Variants in CTNNA2 observed in about 807,000 individuals in gnomAD.
The protein encoded by CTNNA2 is catenin alpha-2.
CTNNA2 carries 42 observed loss-of-function variants against 101.0 expected under a neutral mutation model. The ratio of observed to expected loss-of-function variants is 0.42; its 90% CI spans 0.32 to 0.54. The LOEUF is 0.54. Among genes scored for constraint, CTNNA2 ranks in the 20% least tolerant of loss-of-function variants. The pLI, the probability that CTNNA2 is intolerant of heterozygous loss-of-function variation, is 0.14. For synonymous variants in CTNNA2, 450 were observed against 456.4 expected, an observed-to-expected ratio of 0.99 and a Z score of 0.18; for missense variants, 871 against 1,223.1, an observed-to-expected ratio of 0.71 and a Z score of 4.29.
intron 3 of CTNNA2, among the ~76,000 whole-genome samples, chr2:79,750,433 G>A (rs1261232023): frequency 6.6e-6 from 1 of 152,158 alleles, no homozygotes; most frequent in Non-Finnish European, 1.5e-5. Flanking sequence ...AGAAGAAGTG[G>A]ACTAATCCCT....
At chr2:79,787,783 T>C (rs534279354) in intron 3 of CTNNA2, among the ~76,000 whole-genome samples, 1 of 152,104 alleles carries the variant, frequency 6.6e-6, no homozygotes, top group East Asian at 1.9e-4. Context: ...TATCTATTGA[T>C]CCTCTTACCT....
At chr2:80,528,741 TC>T (rs1312891586) in intron 9 of CTNNA2, among the ~76,000 whole-genome samples, 3 of 152,228 alleles carry the variant, frequency 2.0e-5, no homozygotes, top group Non-Finnish European at 4.4e-5. Context: ...AGGGCTTTTT[TC>T]TTCAAAGTAG....
At chr2:80,262,424 G>A (rs78410123) in intron 7 of CTNNA2, among the ~76,000 whole-genome samples, 1 of 152,104 alleles carries the variant, frequency 6.6e-6, no homozygotes, top group Non-Finnish European at 1.5e-5. Flanking sequence ...AAACAAATTG[G>A]TGTATATATA....
chr2:80,164,564 G>C (rs948150435), intron 7 of CTNNA2, among the ~76,000 whole-genome samples: 2 of 152,012 alleles, frequency 1.3e-5, no homozygotes, highest in Non-Finnish European at 2.9e-5. Flanking sequence ...ATACTCAGGA[G>C]AGAAGGTAGG....
intron 7 of CTNNA2, among the ~76,000 whole-genome samples, chr2:79,964,584 C>T (rs1242570800): frequency 6.6e-6 from 1 of 152,080 alleles, no homozygotes; most frequent in Non-Finnish European, 1.5e-5. Context: ...AAAAGATGTG[C>T]CTTATTCCGT....
chr2:79,508,006 T>C (rs959016207), intron 5 of CTNNA2, among the ~76,000 whole-genome samples: 4 of 152,208 alleles, frequency 2.6e-5, no homozygotes, highest in African/African-American at 7.2e-5. Context: ...TTGTGCAGTA[T>C]ACTTACTTTC....
intron 2 of CTNNA2, among the ~76,000 whole-genome samples, chr2:79,706,329 C>T (rs1294432368): frequency 7.1e-6 from 1 of 140,374 alleles, no homozygotes; most frequent in African/African-American, 2.7e-5. Context: ...CGCCACTGCA[C>T]TCCGCCCTGG....
At chr2:80,432,065 C>T (rs1681581009) in intron 9 of CTNNA2, among the ~76,000 whole-genome samples, 1 of 152,050 alleles carries the variant, frequency 6.6e-6, no homozygotes, top group African/African-American at 2.4e-5. Context: ...ATTACTTCAA[C>T]ATGAAATTAA....
At chr2:79,901,897 C>A (rs1685090627) in intron 6 of CTNNA2, among the ~76,000 whole-genome samples, 1 of 152,176 alleles carries the variant, frequency 6.6e-6, no homozygotes, top group Non-Finnish European at 1.5e-5. Flanking sequence ...TCAATTACAG[C>A]TGAGTACAAT....
At chr2:79,652,350 A>C (rs1041958066) in intron 2 of CTNNA2, among the ~76,000 whole-genome samples, 6 of 151,908 alleles carry the variant, frequency 3.9e-5, no homozygotes, top group African/African-American at 1.5e-4. Flanking sequence ...TTATTATTCT[A>C]GAGGTCAAAT....
chr2:79,349,904 T>C (rs746088107), intron 3 of CTNNA2, among the ~76,000 whole-genome samples: 13 of 151,794 alleles, frequency 8.6e-5, no homozygotes, highest in Non-Finnish European at 1.8e-4. Context: ...TGAAACCCTG[T>C]CTCTACTAAA....
At chr2:79,718,824 G>GT (rs759268135) in intron 2 of CTNNA2, among the ~76,000 whole-genome samples, 9,558 of 140,134 alleles carry the variant, frequency 0.068, 441 homozygotes, top group South Asian at 0.15. Context: ...TTTCCCACTT[G>GT]TTTTTTTTTT....
intron 9 of CTNNA2, among the ~76,000 whole-genome samples, chr2:80,425,889 T>C (rs976852315): frequency 2.0e-5 from 3 of 152,184 alleles, no homozygotes; most frequent in South Asian, 2.1e-4. Context: ...AAAAATAATA[T>C]GGGTTCTCAT....
At chr2:79,811,573 G>T (rs980994160) in intron 3 of CTNNA2, among the ~76,000 whole-genome samples, 18 of 152,120 alleles carry the variant, frequency 1.2e-4, no homozygotes, top group Admixed American at 6.5e-4. Flanking sequence ...GTGTTCTGTT[G>T]CATCAATTTA....
intron 6 of CTNNA2, among the ~76,000 whole-genome samples, chr2:79,893,386 G>A (rs1684441446): frequency 6.6e-6 from 1 of 152,086 alleles, no homozygotes; most frequent in Non-Finnish European, 1.5e-5. Flanking sequence ...GGAGGCTGCT[G>A]GTTCTTGTGA....
intron 9 of CTNNA2, among the ~76,000 whole-genome samples, chr2:80,432,492 A>C (rs1186011514): frequency 1.3e-5 from 2 of 152,232 alleles, no homozygotes; most frequent in African/African-American, 2.4e-5. Flanking sequence ...TGGAGCTGCC[A>C]CAAAGTGTGA....
At chr2:79,309,626 A>AACC (rs1676321294) in intron 2 of CTNNA2, among the ~76,000 whole-genome samples, 1 of 152,080 alleles carries the variant, frequency 6.6e-6, no homozygotes, top group Non-Finnish European at 1.5e-5. Flanking sequence ...TTTGTGTAAG[A>AACC]TGAGAGAATT....
At chr2:79,880,513 C>T (rs1683349106) in intron 6 of CTNNA2, among the ~76,000 whole-genome samples, 1 of 152,070 alleles carries the variant, frequency 6.6e-6, no homozygotes, top group Admixed American at 6.6e-5. Context: ...TTGGTCTATT[C>T]CATAACTTTA....
At chr2:80,575,069 C>T (rs970243210) in intron 13 of CTNNA2, 1 of 152,080 alleles carries the variant, frequency 6.6e-6, no homozygotes, top group Non-Finnish European at 1.5e-5. Flanking sequence ...TGACTTTTTT[C>T]TCCTTATCTT....
Sources: allele counts gnomAD v4.1 joint callset (sites outside exome capture counted in the v4.1 genomes callset), GRCh38; gene constraint gnomAD v4.1.1; transcripts MANE v1.5; gene names NCBI Gene and HGNC (gene_info 2026-07-23, HGNC 2026-07-21).